Variants in GPR176 observed in about 807,000 individuals in gnomAD.
GPR176 encodes G-protein coupled receptor 176.
Under a neutral mutation model 35.4 loss-of-function variants are expected in GPR176, and 26 were observed. The ratio of observed to expected loss-of-function variants is 0.74; its 90% confidence interval spans 0.54 to 1.02. The LOEUF is 1.02. GPR176 is among the 50% of genes least tolerant of loss of function. The pLI is 0.00. For missense variants in GPR176, 597 were observed against 665.3 expected (o/e 0.90, Z 1.13); for synonymous variants, 278 against 271.3 (o/e 1.02, Z -0.24).
intron 1 of GPR176, among the ~76,000 whole-genome samples, chr15:39,891,282 T>C (rs2032862063): frequency 6.6e-6 from 1 of 152,184 alleles, no homozygotes; most frequent in African/African-American, 2.4e-5. Context: ...TCAAAGTATA[T>C]GATTCTATAC....
intron 1 of GPR176, among the ~76,000 whole-genome samples, chr15:39,867,435 A>G (rs772867041): frequency 6.6e-5 from 10 of 152,194 alleles, no homozygotes; most frequent in Non-Finnish European, 1.3e-4. Context: ...AGAGAAGGAC[A>G]TCGGGAAATG....
intron 1 of GPR176, among the ~76,000 whole-genome samples, chr15:39,901,542 T>C (rs1203881312): frequency 6.6e-6 from 1 of 152,214 alleles, no homozygotes; most frequent in Non-Finnish European, 1.5e-5. Flanking sequence ...AAGAATAAGC[T>C]GGCTTTGGGC....
At chr15:39,904,537 G>A (rs1258492449) in intron 1 of GPR176, among the ~76,000 whole-genome samples, 1 of 152,140 alleles carries the variant, frequency 6.6e-6, no homozygotes, top group African/African-American at 2.4e-5. Context: ...AGGAAGGGTG[G>A]GGGTGCTCAT....
intron 1 of GPR176, chr15:39,807,754 T>C: frequency 1.9e-6 from 1 of 520,958 alleles, no homozygotes; most frequent in East Asian, 3.1e-5. Context: ...ATCCCAAATA[T>C]TTCAACATGT....
intron 1 of GPR176, among the ~76,000 whole-genome samples, chr15:39,897,019 GAGTTCAGTCTGGAAA>G (rs2033133510): frequency 6.6e-6 from 1 of 152,152 alleles, no homozygotes; most frequent in South Asian, 2.1e-4. Context: ...ATAAAAGACA[GAGTTCAGTCTGGAAA>G]AATGCATTAT....
intron 1 of GPR176, among the ~76,000 whole-genome samples, chr15:39,847,700 A>C (rs656270): frequency 0.95 from 138,104 of 145,392 alleles, 65,760 homozygotes; most frequent in Middle Eastern, 0.99. Context: ...CCGAGATCAC[A>C]CCACTGCACT....
At chr15:39,835,377 T>G (rs1901334361) in intron 1 of GPR176, among the ~76,000 whole-genome samples, 1 of 151,984 alleles carries the variant, frequency 6.6e-6, no homozygotes, top group East Asian at 1.9e-4. Context: ...AAAATAAAAA[T>G]TAAAAATTTT....
chr15:39,916,830 A>T (rs1205530665), intron 1 of GPR176, among the ~76,000 whole-genome samples: 3 of 152,026 alleles, frequency 2.0e-5, no homozygotes, highest in Non-Finnish European at 4.4e-5. Context: ...CTCTATTTGG[A>T]GGCTTTATGA....
At chr15:39,870,115 TTCC>T (rs2031988030) in intron 1 of GPR176, among the ~76,000 whole-genome samples, 2 of 152,192 alleles carry the variant, frequency 1.3e-5, no homozygotes, top group East Asian at 3.8e-4. Context: ...TCATGATCCC[TTCC>T]TCGTGTCATT....
At chr15:39,830,304 C>T (rs907219316) in intron 1 of GPR176, among the ~76,000 whole-genome samples, 1 of 152,080 alleles carries the variant, frequency 6.6e-6, no homozygotes, top group Admixed American at 6.6e-5. Flanking sequence ...CAAAAATAAA[C>T]AAGACAAAAT....
At chr15:39,874,871 C>T (rs1466106454) in intron 1 of GPR176, among the ~76,000 whole-genome samples, 1 of 152,132 alleles carries the variant, frequency 6.6e-6, no homozygotes, top group Non-Finnish European at 1.5e-5. Flanking sequence ...TGAAGAAACC[C>T]TGTCTCTACT....
At chr15:39,822,781 T>G (rs1317186409) in intron 1 of GPR176, among the ~76,000 whole-genome samples, 1 of 152,200 alleles carries the variant, frequency 6.6e-6, no homozygotes, top group East Asian at 1.9e-4. Flanking sequence ...TCAGTAAAAT[T>G]AATGAAATCA....
intron 1 of GPR176, among the ~76,000 whole-genome samples, chr15:39,865,157 T>TA (rs2031776141): frequency 1.3e-5 from 2 of 152,030 alleles, no homozygotes; most frequent in African/African-American, 4.8e-5. Flanking sequence ...CTCAAAGAAT[T>TA]AAAAATAGAA....
Position 39,895,290 on chromosome 15 carries a change from A to AGAGGGAGAGGGGGAGGGGGAGGGG in GPR176, c.172+24564_172+24565insCCCCTCCCCCTCCCCCTCTCCCTC, listed in dbSNP as rs1566966006. Reference sequence around the variant, plus strand: ...GGAGAGGGAGACCGTGGGGAGAGGAAGAGGGGGAGGGGGAGGGGGAGGGCG... The same window carrying AGAGGGAGAGGGGGAGGGGGAGGGG: ...GGAGAGGGAGACCGTGGGGAGAGGAAGAGGGAGAGGGGGAGGGGGAGGGGGAGGGGGAGGGGGAGGGGGAGGGCG... On this transcript the variant is annotated intron_variant, in intron 1 of 2. Transcript: ENST00000561100. 2.9e-3 allele frequency among the ~76,000 whole-genome samples: 4 copies of AGAGGGAGAGGGGGAGGGGGAGGGG among 1,378 alleles called. 1 individual carries two copies. The highest frequency in any genetic ancestry group is 0.013 in the African/African-American group (4 of 316). 0.9% of individuals were successfully genotyped at this position (1,378 alleles called of 152,430 possible).
chr15:39,839,964 T>C (rs1351060539), intron 1 of GPR176, among the ~76,000 whole-genome samples: 1 of 152,108 alleles, frequency 6.6e-6, no homozygotes, highest in African/African-American at 2.4e-5. Context: ...ATGGCGATCA[T>C]TAAAAAGTCA....
chr15:39,847,011 G>A lies in GPR176; in HGVS notation c.173-39753C>T, dbSNP rs111582115. Among the ~76,000 whole-genome samples, 1,038 of 152,198 alleles carry A rather than the reference G, an allele frequency of 6.8e-3. 7 individuals are homozygous for A. Among genetic ancestry groups the A allele is most frequent in the Non-Finnish European group, 0.011 (721 of 67,996 alleles). ...TACAACAACTAAAAAACTGGAAAGA[G>A]TAAAGGGACATAAAGGGAGAAAAAG... On this transcript the variant is annotated intron_variant, in intron 1 of 2. Transcript: ENST00000561100.
chr15:39,844,973 C>T (rs1244633529), intron 1 of GPR176, among the ~76,000 whole-genome samples: 1 of 152,150 alleles, frequency 6.6e-6, no homozygotes, highest in Non-Finnish European at 1.5e-5. Flanking sequence ...ACTCCCAGTT[C>T]TAACCGTATC....
chr15:39,825,176 T>G (rs1900552124), intron 1 of GPR176, among the ~76,000 whole-genome samples: 1 of 152,228 alleles, frequency 6.6e-6, no homozygotes, highest in Non-Finnish European at 1.5e-5. Flanking sequence ...CACTCCAGTC[T>G]GGGCAACAGA....
rs1369646957 is a variant in GPR176 at position 39,800,920 on chromosome 15, G to C, written c.*212C>G. On this transcript the variant is annotated 3_prime_UTR_variant, in exon 3 of 3. Transcript: ENST00000561100. ...ATAATGTGGACTTCACTAAGGACATGGATCACTGAGATGGATACATATACT... is the reference window on the plus strand; with the variant it reads ...ATAATGTGGACTTCACTAAGGACATCGATCACTGAGATGGATACATATACT... 1 of 530,042 alleles carries C rather than the reference G, an allele frequency of 1.9e-6. No homozygotes were observed. The highest frequency in any genetic ancestry group is 3.4e-5 in the East Asian group (1 of 29,500). 32.8% of individuals were successfully genotyped at this position (530,042 alleles called of 1,614,324 possible).
Sources: allele counts gnomAD v4.1 joint callset (sites outside exome capture counted in the v4.1 genomes callset), GRCh38; gene constraint gnomAD v4.1.1; transcripts MANE v1.5; gene names NCBI Gene and HGNC (gene_info 2026-07-23, HGNC 2026-07-21).